Variants in ZNF433 observed in about 807,000 individuals in gnomAD.
ZNF433 encodes the protein zinc finger protein 433.
In ZNF433, 12 loss-of-function variants were observed where a neutral mutation model predicts 10.6. That is an observed-to-expected ratio of 1.13 (90% CI 0.72 to 1.83). The LOEUF is 1.83. ZNF433 is among the 40% of genes most tolerant of loss of function. The pLI, the probability that ZNF433 is intolerant of heterozygous loss-of-function variation, is 0.00. For missense variants in ZNF433, 737 were observed against 798.0 expected, an observed-to-expected ratio of 0.92 and a Z score of 0.92; for synonymous variants, 272 against 271.3, an observed-to-expected ratio of 1.00 and a Z score of -0.02.
chr19:12,021,817 C>G (rs957444129), intron 1 of ZNF433: 2 of 372,156 alleles, frequency 5.4e-6, no homozygotes, highest in East Asian at 7.5e-5. Context: ...AACCAAAACA[C>G]CAGGTCAGAT....
At chr19:12,026,678 T>G (rs946542817) in intron 1 of ZNF433, 1 of 453,926 alleles carries the variant, frequency 2.2e-6, no homozygotes, top group African/African-American at 2.0e-5. Context: ...GGATTGGACC[T>G]GGTCAGAAAA....
intron 1 of ZNF433, among the ~76,000 whole-genome samples, chr19:12,032,760 A>G (rs1975095860): frequency 6.6e-6 from 1 of 152,176 alleles, no homozygotes; most frequent in African/African-American, 2.4e-5. Context: ...CTGGGATTAC[A>G]GGTGTGAGCC....
chr19:12,022,306 T>A, intron 1 of ZNF433: 1 of 270,742 alleles, frequency 3.7e-6, no homozygotes. Flanking sequence ...CCAAAAGGAA[T>A]ACTTTTAATC....
At position 12,016,502 on chromosome 19, in the gene ZNF433, T is replaced by A. The variant is rs772806888; in HGVS notation, c.356A>T (p.His119Leu). ...CTTGTGTCCAGTGTCATCTCTGATGTGCCTATTAAGAGATGAATGAGCACT... is the reference window on the plus strand; with the variant it reads ...CTTGTGTCCAGTGTCATCTCTGATGAGCCTATTAAGAGATGAATGAGCACT... ...VGSAHSSLNR[H>L]IRDDTGHKAY... The change falls in exon 4 of 4, where the codon CAC becomes CTC. Residue 119 changes from histidine to leucine, a missense_variant. His to Leu is a moderately conservative substitution (Grantham distance 99). Coordinates refer to ENST00000550507, the MANE Select transcript of ZNF433 (RefSeq NM_001308348.2). 1 of 1,614,132 alleles carries A rather than the reference T, an allele frequency of 6.2e-7. No individual in the cohort carries two copies. Among genetic ancestry groups the A allele is most frequent in the South Asian group, 1.1e-5 (1 of 91,082 alleles).
At chr19:12,026,456 G>A (rs1053349778) in intron 1 of ZNF433, 2 of 326,740 alleles carry the variant, frequency 6.1e-6, no homozygotes, top group Non-Finnish European at 1.2e-5. Context: ...TATGACAGTG[G>A]TGATCACCAT....
Position 12,016,525 on chromosome 19 carries a change from A to T in ZNF433, c.333T>A (p.Ser111Arg). 6.2e-7 allele frequency: 1 copy of T among 1,614,140 alleles called. No homozygotes were observed. Among genetic ancestry groups the T allele is most frequent in the Non-Finnish European group, 8.5e-7 (1 of 1,180,022 alleles). The change falls in exon 4 of 4, where the codon AGT becomes AGA. Residue 111 changes from serine to arginine, a missense_variant. Ser to Arg is a moderately radical substitution (Grantham distance 110). Transcript: ENST00000550507. ...CESSVYGEVG[S>R]AHSSLNRHIR... is the part of the protein sequence containing the mutation. ...TGTGCCTATTAAGAGATGAATGAGC[A>T]CTGCCTACTTCTCCATACACACTGC...
chr19:12,016,040 T>C lies in ZNF433; in HGVS notation c.818A>G (p.His273Arg), dbSNP rs758615814. 6.2e-7 allele frequency: 1 copy of C among 1,614,160 alleles called. No individual in the cohort carries two copies. The highest frequency in any genetic ancestry group is 1.1e-5 in the South Asian group (1 of 91,078). ...ACATTCATATGGCTTCTCCCCAGTG[T>C]GAGTTCTTTTATGAGCATGAAGGCA... ...STCLHAHKRT[H>R]TGEKPYECKQ... Residue 273 changes from histidine to arginine, a missense_variant, in exon 4 of 4, where the codon CAC becomes CGC. Coordinates refer to ENST00000550507, the MANE Select transcript of ZNF433 (RefSeq NM_001308348.2).
In ZNF433 at chr19:12,031,307, A is replaced by AAC. The variant is rs1243366465; in HGVS notation, c.3+4229_3+4230insGT. The stretch of plus-strand genomic sequence containing the variant: ...GAGACTCCATCTCAAAAAAAAAAAA[A>AAC]AAACAAAACAAAAAAAAAAACAAAG... On this transcript the variant is annotated intron_variant, in intron 1 of 3. Coordinates refer to ENST00000550507, the MANE Select transcript of ZNF433 (RefSeq NM_001308348.2). Among the ~76,000 whole-genome samples, 820 of 130,854 alleles carry AAC rather than the reference A, an allele frequency of 6.3e-3. 21 individuals are homozygous for AAC. Among genetic ancestry groups the AAC allele is most frequent in the African/African-American group, 0.035 (780 of 22,600 alleles). The allele number at this position is 130,854 out of a possible 152,430, so 85.8% of individuals were successfully genotyped here.
chr19:12,030,499 C>A (rs1241517661), intron 1 of ZNF433, among the ~76,000 whole-genome samples: 1 of 152,106 alleles, frequency 6.6e-6, no homozygotes, highest in South Asian at 2.1e-4. Flanking sequence ...GGATTACAGG[C>A]GTGAGCCACC....
intron 1 of ZNF433, among the ~76,000 whole-genome samples, chr19:12,029,223 T>C (rs1267163599): frequency 6.6e-6 from 1 of 152,064 alleles, no homozygotes; most frequent in Non-Finnish European, 1.5e-5. Context: ...AGACAATGAC[T>C]AAGAATAGCC....
intron 2 of ZNF433, 82 bp downstream of exon 2, chr19:12,018,084 A>AT (rs1974301165): frequency 6.8e-7 from 1 of 1,461,470 alleles, no homozygotes; most frequent in East Asian, 2.3e-5. Flanking sequence ...AACAGCATAC[A>AT]TGAGCTAAAA....
At chr19:12,034,136 CTT>C (rs1306597181) in intron 1 of ZNF433, among the ~76,000 whole-genome samples, 1 of 152,162 alleles carries the variant, frequency 6.6e-6, no homozygotes, top group Non-Finnish European at 1.5e-5. Flanking sequence ...AAAGTACTAA[CTT>C]ATGTGACGGT....
At position 12,015,528 on chromosome 19, in the gene ZNF433, C is replaced by G. The variant is rs775914267; in HGVS notation, c.1330G>C (p.Glu444Gln). 10 of 1,614,042 alleles carry G rather than the reference C, an allele frequency of 6.2e-6. No homozygotes were observed. The highest frequency in any genetic ancestry group is 2.2e-5 in the East Asian group (1 of 44,860). Residue 444 changes from glutamate to glutamine, a missense_variant, in exon 4 of 4, where the codon GAG becomes CAG. By Grantham distance (29) the Glu-to-Gln change is conservative. Coordinates refer to ENST00000550507, the MANE Select transcript of ZNF433 (RefSeq NM_001308348.2). ...CATTCCTTACATGCATAGGGTTTCT[C>G]TCCCGTGTGAGTCCTACCATGTGTT... ...LQTHGRTHTG[E>Q]KPYACKECGK...
chr19:12,028,272 T>A (rs1319408958), intron 1 of ZNF433, among the ~76,000 whole-genome samples: 2 of 152,172 alleles, frequency 1.3e-5, no homozygotes, highest in African/African-American at 4.8e-5. Flanking sequence ...TGACTACTGC[T>A]ATAAAAAACA....
intron 3 of ZNF433, among the ~76,000 whole-genome samples, chr19:12,017,305 C>G (rs527624543): frequency 1.3e-4 from 20 of 151,318 alleles, no homozygotes; most frequent in African/African-American, 4.9e-4. Flanking sequence ...TGGGTTCAAG[C>G]GATTCTCCTG....
At chr19:12,022,334 A>G (rs764882668) in intron 1 of ZNF433, 41 of 240,642 alleles carry the variant, frequency 1.7e-4, no homozygotes, top group Middle Eastern at 1.8e-3. Context: ...TACAGAAACA[A>G]TGCTTATCAC....
At position 12,016,143 on chromosome 19, in the gene ZNF433, G is replaced by T; in HGVS notation, c.715C>A (p.Arg239=). Residue 239 remains arginine (R), a synonymous_variant, in exon 4 of 4, where the codon CGA becomes AGA. Transcript: ENST00000550507. ...CCAGTGTGAGTTCTTTCATGTATTC[G>T]AAGGCTACTAGAATGACTAAAGGCT... ...GKAFSHSSSL[R]IHERTHTGEK... The T allele has an allele frequency of 1.2e-6, 2 of 1,614,036 alleles. No individual in the cohort carries two copies. The highest frequency in any genetic ancestry group is 1.7e-6 in the Non-Finnish European group (2 of 1,180,000).
intron 1 of ZNF433, among the ~76,000 whole-genome samples, chr19:12,032,282 T>G (rs1203109820): frequency 6.6e-6 from 1 of 152,106 alleles, no homozygotes; most frequent in Non-Finnish European, 1.5e-5. Context: ...CAATCTACCA[T>G]ACTTTCTTGT....
intron 1 of ZNF433, among the ~76,000 whole-genome samples, chr19:12,031,927 T>TTTTTTC (rs1975051227): frequency 1.3e-5 from 2 of 150,908 alleles, no homozygotes; most frequent in Admixed American, 1.3e-4. Flanking sequence ...ACTGTTTTTT[T>TTTTTTC]TTTTTCTTTC....
Sources: gnomAD v4.1 joint callset for allele counts (sites outside exome capture counted in the v4.1 genomes callset) on GRCh38, gnomAD v4.1.1 for gene constraint, MANE v1.5 for transcripts, NCBI Gene and HGNC (gene_info 2026-07-23, HGNC 2026-07-21) for gene names.